The following USH2A variants were observed in gnomAD, a reference collection of about 807,000 sequenced individuals.
The protein encoded by USH2A is Usher syndrome 2A (autosomal recessive, mild).
Under a neutral mutation model 538.9 loss-of-function variants are expected in USH2A, and 443 were observed. The ratio of observed to expected loss-of-function variants is 0.82; its 90% CI spans 0.76 to 0.89. The LOEUF (loss-of-function observed/expected upper bound fraction) is 0.89. USH2A is among the 40% of genes least tolerant of loss of function. The probability of loss-of-function intolerance (pLI) is 0.00; values close to 1 mark genes in which losing one functional copy is unlikely to be tolerated. For synonymous variants in USH2A, 2,413 were observed against 2,273.5 expected (o/e 1.06, Z -1.75); for missense variants, 6,633 against 6,324.8 (o/e 1.05, Z -1.65).
At chr1:216,116,629 G>C (rs948862081) in intron 21 of USH2A, among the ~76,000 whole-genome samples, 1 of 152,054 alleles carries the variant, frequency 6.6e-6, no homozygotes, top group African/African-American at 2.4e-5. Context: ...TGGAATGAAA[G>C]CAAAACTATT....
intron 30 of USH2A, among the ~76,000 whole-genome samples, chr1:216,060,310 T>C (rs2102537266): frequency 6.6e-6 from 1 of 152,254 alleles, no homozygotes; most frequent in South Asian, 2.1e-4. Context: ...TTATGACCAG[T>C]AGAATTGAGA....
intron 9 of USH2A, among the ~76,000 whole-genome samples, chr1:216,294,334 T>C (rs984705001): frequency 3.3e-5 from 5 of 152,198 alleles, no homozygotes; most frequent in African/African-American, 1.2e-4. Context: ...TGAGATAATT[T>C]CTTTCAAATT....
intron 47 of USH2A, among the ~76,000 whole-genome samples, chr1:215,826,738 A>C (rs764443982): frequency 6.6e-6 from 1 of 152,174 alleles, no homozygotes; most frequent in Non-Finnish European, 1.5e-5. Flanking sequence ...GTAGCAGGTG[A>C]AAAGTAAAGG....
chr1:215,883,679 T>G (rs1664976613), intron 41 of USH2A, among the ~76,000 whole-genome samples: 2 of 152,144 alleles, frequency 1.3e-5, no homozygotes, highest in Admixed American at 6.5e-5. Flanking sequence ...AAATGCAGAT[T>G]CTACCTACAA....
At chr1:216,172,028 C>T (rs1033764690) in intron 21 of USH2A, among the ~76,000 whole-genome samples, 5 of 151,748 alleles carry the variant, frequency 3.3e-5, no homozygotes, top group African/African-American at 1.2e-4. Flanking sequence ...TTATTCTGCC[C>T]AAAGGTAGAT....
intron 68 of USH2A, 120 bp downstream of exon 68, chr1:215,640,438 G>A (rs970232089): frequency 7.7e-7 from 1 of 1,296,518 alleles, no homozygotes. Flanking sequence ...ACAAGAAGGG[G>A]GCACTTAAAC....
At chr1:215,986,310 C>CTTTTTTT (rs34962559) in intron 35 of USH2A, among the ~76,000 whole-genome samples, 11 of 131,406 alleles carry the variant, frequency 8.4e-5, no homozygotes, top group South Asian at 2.5e-4. Context: ...TTTTCTTTTT[C>CTTTTTTT]TTTTTTTTTT....
intron 21 of USH2A, among the ~76,000 whole-genome samples, chr1:216,109,901 A>G (rs1483478985): frequency 1.3e-5 from 2 of 152,188 alleles, no homozygotes; most frequent in East Asian, 1.9e-4. Context: ...ATTTATCTAC[A>G]TATTTGTTCA....
chr1:215,676,031 C>T lies in USH2A; in HGVS notation c.12295-415G>A, dbSNP rs760407147. 1.3e-4 allele frequency among the ~76,000 whole-genome samples: 20 copies of T among 152,050 alleles called. 1 individual carries two copies. Among genetic ancestry groups the T allele is most frequent in the East Asian group, 1.9e-4 (1 of 5,176 alleles). On this transcript the variant is annotated intron_variant, in intron 62 of 71. Transcript: ENST00000307340. ...TGACTAAAGTAGGGTCTACCTTCCA[C>T]GGCATTTGCTGGGAAATGGAATTAC...
At chr1:216,007,029 T>A (rs767815311) in intron 32 of USH2A, among the ~76,000 whole-genome samples, 2 of 152,148 alleles carry the variant, frequency 1.3e-5, no homozygotes, top group Non-Finnish European at 2.9e-5. Flanking sequence ...GTTTCCCCCT[T>A]CTGTTCTCAT....
intron 11 of USH2A, among the ~76,000 whole-genome samples, chr1:216,286,090 A>G (rs1020341435): frequency 2.6e-5 from 4 of 152,076 alleles, no homozygotes; most frequent in Non-Finnish European, 5.9e-5. Flanking sequence ...GAAGGGCATG[A>G]TTTTGTTTTG....
chr1:216,365,965 T>G (rs2038588471), intron 3 of USH2A, among the ~76,000 whole-genome samples: 1 of 152,198 alleles, frequency 6.6e-6, no homozygotes, highest in Admixed American at 6.5e-5. Context: ...GAGCCCAGAA[T>G]AGCCAATGCT....
chr1:216,035,996 G>T (rs939042759), intron 32 of USH2A, among the ~76,000 whole-genome samples: 1 of 152,128 alleles, frequency 6.6e-6, no homozygotes, highest in Non-Finnish European at 1.5e-5. Context: ...CAAATGTGTA[G>T]GAATTTGATA....
chr1:216,088,941 T>C, intron 23 of USH2A, 72 bp downstream of exon 23: 2 of 1,592,948 alleles, frequency 1.3e-6, no homozygotes, highest in Non-Finnish European at 1.7e-6. Context: ...AATGTAGGAA[T>C]ATAAACAACA....
chr1:215,905,656 C>G (rs538620461), intron 38 of USH2A, among the ~76,000 whole-genome samples: 5 of 152,160 alleles, frequency 3.3e-5, no homozygotes, highest in African/African-American at 1.2e-4. Flanking sequence ...CTTGCAGAAG[C>G]ACTGCCCTGG....
rs926930916 is a variant in USH2A at position 215,993,138 on chromosome 1, A to G, written c.6687T>C (p.Ser2229=). The G allele has an allele frequency of 1.9e-6, 3 of 1,613,934 alleles. No homozygotes were observed. Among genetic ancestry groups the G allele is most frequent in the Middle Eastern group, 3.3e-4 (2 of 6,060 alleles). ...CGTCAGTTAGGGCCTCACTGGCCTC[A>G]CTCACTGTGCACCCACCACCTGTGC... ...GACTGGGCTV[S]EASEALTDED... The change falls in exon 35 of 72, where the codon AGT becomes AGC. Residue 2229 remains serine (S), a synonymous_variant. Coordinates refer to ENST00000307340, the MANE Select transcript of USH2A (RefSeq NM_206933.4).
At chr1:215,830,427 C>T (rs1663279480) in intron 47 of USH2A, among the ~76,000 whole-genome samples, 1 of 152,026 alleles carries the variant, frequency 6.6e-6, no homozygotes, top group African/African-American at 2.4e-5. Context: ...CTCTATAGTC[C>T]AAAGAATGTG....
At chr1:216,126,564 T>C (rs1237368052) in intron 21 of USH2A, among the ~76,000 whole-genome samples, 1 of 152,116 alleles carries the variant, frequency 6.6e-6, no homozygotes, top group South Asian at 2.1e-4. Context: ...AGCACATCTA[T>C]TCAATCTCTA....
chr1:216,289,394 C>G lies in USH2A; in HGVS notation c.1857G>C (p.Leu619=), dbSNP rs1177750734. ...EHNTTGRNCE[L]CKDYFFRQVG... Reference sequence around the variant, plus strand: ...CTTGTCGGAAAAAGTAATCCTTGCACAGCTCACAGTTCCTTCCTGCATCAG... The same window carrying G: ...CTTGTCGGAAAAAGTAATCCTTGCAGAGCTCACAGTTCCTTCCTGCATCAG... Residue 619 remains leucine, a synonymous_variant, in exon 11 of 72, where the codon CTG becomes CTC. Coordinates refer to ENST00000307340, the MANE Select transcript of USH2A (RefSeq NM_206933.4). The G allele has an allele frequency of 1.9e-6, 3 of 1,613,790 alleles. No individual in the cohort carries two copies. The highest frequency in any genetic ancestry group is 1.3e-5 in the African/African-American group (1 of 74,924).
Sources: gnomAD v4.1 joint callset for allele counts (sites outside exome capture counted in the v4.1 genomes callset) on GRCh38, gnomAD v4.1.1 for gene constraint, MANE v1.5 for transcripts, NCBI Gene and HGNC (gene_info 2026-07-23, HGNC 2026-07-21) for gene names.